The following ASXL2 variants were observed in gnomAD, a reference collection of about 807,000 sequenced individuals.
ASXL2 encodes putative Polycomb group protein ASXL2.
Under a neutral mutation model 122.0 loss-of-function variants are expected in ASXL2, and 23 were observed. The ratio of observed to expected loss-of-function variants is 0.19; its 90% CI spans 0.14 to 0.27. The LOEUF (loss-of-function observed/expected upper bound fraction) is 0.27, where lower values mean the gene tolerates loss of function less well. ASXL2 is among the 10% of genes least tolerant of loss of function. The probability of loss-of-function intolerance (pLI) is 1.00; values close to 1 mark genes in which losing one functional copy is unlikely to be tolerated. For synonymous variants in ASXL2, 650 were observed against 637.0 expected (o/e 1.02, Z -0.31); for missense variants, 1,518 against 1,713.8 (o/e 0.89, Z 2.02).
In ASXL2 at chr2:25,740,517, C is replaced by T; in HGVS notation, c.*1512G>A. The T allele has an allele frequency of 4.4e-6, 1 of 228,192 alleles. No individual in the cohort carries two copies. Among genetic ancestry groups the T allele is most frequent in the Non-Finnish European group, 8.7e-6 (1 of 115,022 alleles). 14.1% of individuals were successfully genotyped at this position (228,192 alleles called of 1,614,324 possible). ...GCAAATGATGCAAATTGACACTCCC[C>T]CATTTAATACAAAATTCTGTTAAAC... On this transcript the variant is annotated 3_prime_UTR_variant, in exon 13 of 13. Coordinates refer to ENST00000435504, the MANE Select transcript of ASXL2 (RefSeq NM_018263.6).
intron 12 of ASXL2, among the ~76,000 whole-genome samples, chr2:25,748,457 G>C (rs1272173285): frequency 6.6e-6 from 1 of 151,622 alleles, no homozygotes; most frequent in Non-Finnish European, 1.5e-5. Context: ...AGTGAGCCAA[G>C]ATTGTGCCAC....
chr2:25,803,110 C>T (rs574187123), intron 4 of ASXL2, among the ~76,000 whole-genome samples: 35 of 151,172 alleles, frequency 2.3e-4, no homozygotes, highest in African/African-American at 2.7e-4. Context: ...CCAGCCTGGG[C>T]GACAGAGCGA....
chr2:25,865,851 G>A (rs937878734), intron 1 of ASXL2, among the ~76,000 whole-genome samples: 5 of 147,300 alleles, frequency 3.4e-5, no homozygotes, highest in Non-Finnish European at 7.4e-5. Flanking sequence ...TTAAACTAAC[G>A]CTGGACTGTT....
chr2:25,797,445 A>T (rs962230904), intron 5 of ASXL2, among the ~76,000 whole-genome samples: 4 of 152,254 alleles, frequency 2.6e-5, no homozygotes, highest in Non-Finnish European at 5.9e-5. Context: ...ACTATGTCTC[A>T]AAACAAAAAA....
At chr2:25,821,277 T>A (rs2089307128) in intron 3 of ASXL2, among the ~76,000 whole-genome samples, 1 of 151,646 alleles carries the variant, frequency 6.6e-6, no homozygotes, top group Non-Finnish European at 1.5e-5. Context: ...GGATCCCTTG[T>A]GCCCAGGAGT....
intron 8 of ASXL2, among the ~76,000 whole-genome samples, chr2:25,762,063 T>TA (rs2149148523): frequency 6.6e-6 from 1 of 152,250 alleles, no homozygotes; most frequent in South Asian, 2.1e-4. Context: ...AATATTTATT[T>TA]AAGTCTAGAT....
intron 3 of ASXL2, chr2:25,810,204 C>T (rs1574427908): frequency 6.8e-6 from 4 of 589,758 alleles, no homozygotes; most frequent in East Asian, 8.5e-5. Flanking sequence ...ATCCATCTCT[C>T]GGCAATGGGA....
chr2:25,747,858 A>C (rs1311429473), intron 12 of ASXL2, among the ~76,000 whole-genome samples: 1 of 152,202 alleles, frequency 6.6e-6, no homozygotes, highest in Non-Finnish European at 1.5e-5. Context: ...GTAAGTGCTA[A>C]AATCACCAAT....
intron 4 of ASXL2, among the ~76,000 whole-genome samples, chr2:25,805,645 G>A (rs528944568): frequency 2.0e-5 from 3 of 152,094 alleles, no homozygotes; most frequent in Admixed American, 1.3e-4. Flanking sequence ...TAAAACACTA[G>A]AAGTCATTTT....
rs549757368 is a variant in ASXL2, at chr2:25,874,268, C to T, written c.57+3898G>A. On this transcript the variant is annotated intron_variant, in intron 1 of 12. Coordinates refer to ENST00000435504, the MANE Select transcript of ASXL2 (RefSeq NM_018263.6). ...CACTGGGAGGCAGAGGTGGGCAGAT[C>T]GCTTGAGTCCAGGTGTTTCAGACCA... 1.3e-3 allele frequency among the ~76,000 whole-genome samples: 197 copies of T among 152,242 alleles called. 2 individuals are homozygous for T. The highest frequency in any genetic ancestry group is 4.6e-3 in the African/African-American group (192 of 41,554).
At chr2:25,795,069 G>A (rs2088892651) in intron 5 of ASXL2, among the ~76,000 whole-genome samples, 1 of 152,034 alleles carries the variant, frequency 6.6e-6, no homozygotes, top group East Asian at 1.9e-4. Flanking sequence ...TGGTAGCTTG[G>A]CATTCATTTC....
intron 2 of ASXL2, among the ~76,000 whole-genome samples, chr2:25,844,778 T>C (rs1301406620): frequency 1.3e-5 from 2 of 151,934 alleles, no homozygotes; most frequent in Non-Finnish European, 2.9e-5. Context: ...TCTGAAATAC[T>C]ATAGGAGCAC....
chr2:25,830,505 A>G (rs559772037), intron 3 of ASXL2, among the ~76,000 whole-genome samples: 9 of 152,218 alleles, frequency 5.9e-5, no homozygotes, highest in Admixed American at 1.3e-4. Context: ...GCATGCCTGT[A>G]GTCCCAGCTA....
intron 1 of ASXL2, among the ~76,000 whole-genome samples, chr2:25,865,662 C>A (rs1411833621): frequency 6.8e-6 from 1 of 147,302 alleles, no homozygotes; most frequent in Non-Finnish European, 1.5e-5. Flanking sequence ...GTAGTCCCAG[C>A]TACTTAGGAG....
intron 1 of ASXL2, among the ~76,000 whole-genome samples, chr2:25,853,933 A>T (rs1349998626): frequency 6.6e-6 from 1 of 152,154 alleles, no homozygotes; most frequent in African/African-American, 2.4e-5. Context: ...GCCTCTTTTT[A>T]AAAAAGGATA....
intron 3 of ASXL2, among the ~76,000 whole-genome samples, chr2:25,817,299 C>A (rs545838599): frequency 1.3e-5 from 2 of 151,994 alleles, no homozygotes; most frequent in Non-Finnish European, 2.9e-5. Flanking sequence ...ATATAAGAAA[C>A]GTAAATGTTT....
At position 25,878,329 on chromosome 2, in the gene ASXL2, A is replaced by G. The variant is rs2090027831; in HGVS notation, c.-107T>C. ...CCCGCGGTGCCGGGAAAGGTGGGAG[A>G]AAAGGGAAGTCAGACCGGGGGGGCA... On this transcript the variant is annotated 5_prime_UTR_variant, in exon 1 of 13. Transcript: ENST00000435504. 4 of 1,282,358 alleles carry G rather than the reference A, an allele frequency of 3.1e-6. No individual in the cohort carries two copies. In the South Asian group the frequency reaches 4.9e-5, roughly 16 times the overall value. 79.4% of individuals were successfully genotyped at this position (1,282,358 alleles called of 1,614,324 possible).
chr2:25,783,333 G>A (rs940321904), intron 5 of ASXL2, among the ~76,000 whole-genome samples: 9 of 150,696 alleles, frequency 6.0e-5, no homozygotes, highest in Non-Finnish European at 8.8e-5. Flanking sequence ...AAAGTACTGT[G>A]AAAAAGTCTG....
chr2:25,757,994 C>T (rs988765038), intron 9 of ASXL2, among the ~76,000 whole-genome samples: 2 of 151,530 alleles, frequency 1.3e-5, no homozygotes, highest in African/African-American at 4.8e-5. Context: ...CTTCAGTCTC[C>T]TAACTTGTTC....
Sources: allele counts gnomAD v4.1 joint callset (sites outside exome capture counted in the v4.1 genomes callset), GRCh38; gene constraint gnomAD v4.1.1; transcripts MANE v1.5; gene names NCBI Gene and HGNC (gene_info 2026-07-23, HGNC 2026-07-21).